The following LRRC4C variants were observed in gnomAD, a reference collection of about 807,000 sequenced individuals.
The protein encoded by LRRC4C is leucine-rich repeat-containing protein 4C.
A neutral mutation model predicts 33.6 loss-of-function variants in LRRC4C; 5 were observed. The observed-to-expected ratio is 0.15, with a 90% CI of 0.08 to 0.31. LRRC4C has a LOEUF of 0.31. LRRC4C is among the 10% of genes least tolerant of loss of function. LRRC4C has a pLI of 1.00. For missense variants in LRRC4C, 560 were observed against 796.7 expected (o/e 0.70, Z 3.58); for synonymous variants, 329 against 302.0 (o/e 1.09, Z -0.93).
rs376148500 is a variant in LRRC4C at position 40,612,847 on chromosome 11, A to G, written c.-270+35295T>C. Among the ~76,000 whole-genome samples, 3 of 151,944 alleles carry G rather than the reference A, an allele frequency of 2.0e-5. No individual in the cohort carries two copies. In the South Asian group the frequency reaches 6.2e-4, roughly 31 times the overall value. ...GTACCAAGCTTGAGCATTAAAGCAA[A>G]TATAGCAATAAAGAGAATCACACAA... On this transcript the variant is annotated intron_variant, in intron 3 of 6. Transcript: ENST00000528697.
chr11:40,820,583 A>G (rs1430537521), intron 2 of LRRC4C, among the ~76,000 whole-genome samples: 1 of 151,968 alleles, frequency 6.6e-6, no homozygotes, highest in Admixed American at 6.6e-5. Context: ...ACATCAATAG[A>G]ATAAAGAACA....
chr11:40,211,191 T>G (rs1863581258), intron 5 of LRRC4C, among the ~76,000 whole-genome samples: 1 of 152,236 alleles, frequency 6.6e-6, no homozygotes, highest in Non-Finnish European at 1.5e-5. Context: ...TCATTGTATC[T>G]TTCCCCATCA....
chr11:40,690,988 A>G (rs1945195162), intron 2 of LRRC4C, among the ~76,000 whole-genome samples: 1 of 152,080 alleles, frequency 6.6e-6, no homozygotes. Context: ...TGAATAACAC[A>G]ATCGGAAGTG....
At chr11:40,218,881 T>G (rs1296262118) in intron 5 of LRRC4C, among the ~76,000 whole-genome samples, 1 of 152,062 alleles carries the variant, frequency 6.6e-6, no homozygotes, top group African/African-American at 2.4e-5. Flanking sequence ...TCCATGACTC[T>G]TCCAAGCCAG....
chr11:40,426,759 G>T (rs954682487), intron 3 of LRRC4C, among the ~76,000 whole-genome samples: 2 of 152,168 alleles, frequency 1.3e-5, no homozygotes, highest in Non-Finnish European at 2.9e-5. Flanking sequence ...GTTTGTCCAA[G>T]AAATATTTGT....
intron 2 of LRRC4C, among the ~76,000 whole-genome samples, chr11:40,760,796 T>G (rs1253630001): frequency 7.5e-6 from 1 of 132,600 alleles, no homozygotes; most frequent in Non-Finnish European, 1.5e-5. Context: ...TGTATATATA[T>G]ATATACACAC....
chr11:40,886,005 T>C (rs936132416), intron 2 of LRRC4C, among the ~76,000 whole-genome samples: 2 of 152,052 alleles, frequency 1.3e-5, no homozygotes, highest in Non-Finnish European at 2.9e-5. Context: ...GTCTGAAATA[T>C]AAAATGTGCT....
intron 3 of LRRC4C, among the ~76,000 whole-genome samples, chr11:40,513,670 A>G (rs1955437200): frequency 6.6e-6 from 1 of 152,176 alleles, no homozygotes; most frequent in Admixed American, 6.5e-5. Flanking sequence ...AGGGGTGCAT[A>G]GAGGACAATT....
intron 3 of LRRC4C, among the ~76,000 whole-genome samples, chr11:40,356,323 C>T (rs77815746): frequency 1.7e-4 from 26 of 152,314 alleles, no homozygotes; most frequent in Non-Finnish European, 3.8e-4. Flanking sequence ...ATGATGATTA[C>T]ATAACTTAGT....
At chr11:41,168,955 C>A (rs1382732494) in intron 1 of LRRC4C, among the ~76,000 whole-genome samples, 2 of 152,160 alleles carry the variant, frequency 1.3e-5, no homozygotes, top group African/African-American at 2.4e-5. Context: ...GATTTACATA[C>A]ATAATCGCCA....
intron 3 of LRRC4C, among the ~76,000 whole-genome samples, chr11:40,584,872 C>T (rs1054590177): frequency 6.7e-6 from 1 of 149,730 alleles, no homozygotes; most frequent in Non-Finnish European, 1.5e-5. Flanking sequence ...GCGGAGGTTG[C>T]AGTGAGCCGA....
chr11:40,785,177 T>C (rs541785820), intron 2 of LRRC4C, among the ~76,000 whole-genome samples: 1 of 152,250 alleles, frequency 6.6e-6, no homozygotes, highest in South Asian at 2.1e-4. Context: ...TAAGAGATGA[T>C]GCCGAGGAAT....
chr11:41,070,952 C>A (rs867150244), intron 1 of LRRC4C, among the ~76,000 whole-genome samples: 1 of 152,088 alleles, frequency 6.6e-6, no homozygotes, highest in African/African-American at 2.4e-5. Context: ...TACATGCACA[C>A]GTATGCTTAT....
At chr11:41,058,097 G>A (rs1335862804) in intron 1 of LRRC4C, among the ~76,000 whole-genome samples, 3 of 152,174 alleles carry the variant, frequency 2.0e-5, no homozygotes, top group Non-Finnish European at 4.4e-5. Flanking sequence ...AAACAAACAG[G>A]GCTGAGACAT....
chr11:40,445,728 T>G (rs567659526), intron 3 of LRRC4C: 1 of 152,394 alleles, frequency 6.6e-6, no homozygotes, highest in East Asian at 1.9e-4. Context: ...TGAAAAATTT[T>G]TTTGACATTC....
intron 3 of LRRC4C, among the ~76,000 whole-genome samples, chr11:40,624,561 G>T (rs75100738): frequency 0.02 from 3,084 of 152,138 alleles, 49 homozygotes; most frequent in South Asian, 0.039. Flanking sequence ...CTCCAGTGTG[G>T]CTCTCAGAAA....
At chr11:40,419,933 A>G (rs963047756) in intron 3 of LRRC4C, among the ~76,000 whole-genome samples, 1 of 152,182 alleles carries the variant, frequency 6.6e-6, no homozygotes, top group African/African-American at 2.4e-5. Flanking sequence ...CTTCTGATGA[A>G]TCTACTCTTT....
chr11:40,853,614 A>T (rs891412887), intron 2 of LRRC4C, among the ~76,000 whole-genome samples: 12 of 152,148 alleles, frequency 7.9e-5, no homozygotes, highest in African/African-American at 2.9e-4. Context: ...TTCTCTACTG[A>T]CTTGTTCTAA....
chr11:40,931,135 A>G (rs1311379454), intron 2 of LRRC4C, among the ~76,000 whole-genome samples: 1 of 152,178 alleles, frequency 6.6e-6, no homozygotes, highest in African/African-American at 2.4e-5. Context: ...GCTGATCCAT[A>G]TGAGTTAGTG....
Sources: allele counts gnomAD v4.1 joint callset (sites outside exome capture counted in the v4.1 genomes callset), GRCh38; gene constraint gnomAD v4.1.1; transcripts MANE v1.5; gene names NCBI Gene and HGNC (gene_info 2026-07-23, HGNC 2026-07-21).